The following FSTL4 variants were observed in gnomAD, a reference collection of about 807,000 sequenced individuals.
FSTL4 encodes follistatin-related protein 4.
A neutral mutation model predicts 78.2 loss-of-function variants in FSTL4; 28 were observed. The ratio of observed to expected loss-of-function variants is 0.36; its 90% CI spans 0.27 to 0.49. FSTL4 has a LOEUF of 0.49. Ranked by LOEUF, FSTL4 falls within the 20% of genes least tolerant of loss-of-function variation. The pLI, the probability that FSTL4 is intolerant of heterozygous loss-of-function variation, is 0.98. For synonymous variants in FSTL4, 422 were observed against 440.5 expected (o/e 0.96, Z 0.53); for missense variants, 922 against 1,084.9 (o/e 0.85, Z 2.11).
the FSTL4 span, among the ~76,000 whole-genome samples, chr5:133,831,459 T>G: frequency 2.6e-5 from 4 of 151,894 alleles, no homozygotes; most frequent in Non-Finnish European, 5.9e-5. Context: ...AGGCAGTGAG[T>G]GGTGGAAAAT....
chr5:133,509,993 C>T lies in FSTL4; in HGVS notation c.160+57193G>A, dbSNP rs140942799. On this transcript the variant is annotated intron_variant, in intron 3 of 15. Transcript: ENST00000265342. Reference sequence around the variant, plus strand: ...TGGAGTGTAGGCAAAAGATCTGGTCCACTCACTCATACTTCATAATCATAA... The same window carrying T: ...TGGAGTGTAGGCAAAAGATCTGGTCTACTCACTCATACTTCATAATCATAA... Among the ~76,000 whole-genome samples, 24 of 152,304 alleles carry T rather than the reference C, an allele frequency of 1.6e-4. No homozygotes were observed. In the East Asian group the frequency reaches 4.6e-3, roughly 29 times the overall value.
chr5:133,241,789 C>T (rs1751881423), intron 7 of FSTL4, among the ~76,000 whole-genome samples: 1 of 152,170 alleles, frequency 6.6e-6, no homozygotes, highest in Non-Finnish European at 1.5e-5. Context: ...CCTGGGGATC[C>T]TTGGATCCTG....
At chr5:133,818,694 C>T in the FSTL4 span, among the ~76,000 whole-genome samples, 2 of 151,318 alleles carry the variant, frequency 1.3e-5, no homozygotes, top group African/African-American at 4.9e-5. Context: ...GCACTTTCCA[C>T]CAATTTCAGG....
the FSTL4 span, among the ~76,000 whole-genome samples, chr5:133,821,462 T>C: frequency 2.0e-5 from 3 of 152,192 alleles, no homozygotes; most frequent in East Asian, 5.8e-4. Flanking sequence ...ACACCCACTG[T>C]TCCAGCATTA....
At chr5:133,416,013 G>A (rs941149050) in intron 3 of FSTL4, among the ~76,000 whole-genome samples, 2 of 152,186 alleles carry the variant, frequency 1.3e-5, no homozygotes, top group African/African-American at 2.4e-5. Flanking sequence ...CAATAGCAAG[G>A]AGCACGTTTA....
the FSTL4 span, among the ~76,000 whole-genome samples, chr5:133,820,231 G>A: frequency 6.6e-6 from 1 of 152,184 alleles, no homozygotes; most frequent in Admixed American, 6.5e-5. Flanking sequence ...GGGTCCAGCT[G>A]TCACGCTGCA....
chr5:133,232,180 G>A (rs897340875), intron 8 of FSTL4, among the ~76,000 whole-genome samples: 3 of 152,194 alleles, frequency 2.0e-5, no homozygotes, highest in Non-Finnish European at 2.9e-5. Context: ...TGCTCGGGCC[G>A]CATCTCTGGG....
At chr5:133,569,926 T>A (rs1760113089) in intron 2 of FSTL4, among the ~76,000 whole-genome samples, 1 of 152,136 alleles carries the variant, frequency 6.6e-6, no homozygotes, top group African/African-American at 2.4e-5. Flanking sequence ...GATTTAGAAA[T>A]TGCCCGGGCG....
At chr5:133,830,276 C>T in the FSTL4 span, among the ~76,000 whole-genome samples, 1 of 152,316 alleles carries the variant, frequency 6.6e-6, no homozygotes, top group South Asian at 2.1e-4. Context: ...GCTGAGCAGG[C>T]TTCTGGGCCA....
chr5:133,819,015 CGA>C, the FSTL4 span, among the ~76,000 whole-genome samples: 1 of 140,594 alleles, frequency 7.1e-6, no homozygotes, highest in South Asian at 2.4e-4. Flanking sequence ...ATTTCTAGAA[CGA>C]AGGAGATCTG....
rs757767920 is a variant in FSTL4, at chr5:133,233,496, G to A, written c.936C>T (p.Thr312=). 28 of 1,614,096 alleles carry A rather than the reference G, an allele frequency of 1.7e-5. 1 individual carries two copies. The South Asian group carries it at 3.1e-4, about 18-fold the overall frequency. Residue 312 remains threonine (T), a synonymous_variant, in exon 8 of 16, where the codon ACC becomes ACT. Transcript: ENST00000265342. ...EDDSLYITKV[T]TIHMGNYTCH... ...AGGTGTAATTGCCCATGTGGATGGT[G>A]GTCACCTTGGTGATGTACAGGGAAT...
At chr5:133,530,998 G>A (rs1322976650) in intron 3 of FSTL4, among the ~76,000 whole-genome samples, 1 of 152,172 alleles carries the variant, frequency 6.6e-6, no homozygotes, top group Non-Finnish European at 1.5e-5. Flanking sequence ...CTGGACATGG[G>A]CCAGACTCAC....
At chr5:133,347,835 T>C (rs73788064) in intron 4 of FSTL4, among the ~76,000 whole-genome samples, 18,361 of 152,272 alleles carry the variant, frequency 0.12, 1,320 homozygotes, top group African/African-American at 0.2. Context: ...TTTCTATTTA[T>C]TTAATTCCAT....
chr5:133,523,969 G>A (rs564684687), intron 3 of FSTL4, among the ~76,000 whole-genome samples: 35 of 152,354 alleles, frequency 2.3e-4, no homozygotes, highest in Admixed American at 9.1e-4. Flanking sequence ...GGTGGGCAGG[G>A]AAGACGGGTG....
the FSTL4 span, among the ~76,000 whole-genome samples, chr5:133,838,390 G>A: frequency 1.3e-5 from 2 of 152,240 alleles, no homozygotes; most frequent in African/African-American, 2.4e-5. Context: ...ACTGTAGTCA[G>A]GAATTCAGGA....
chr5:133,713,777 C>T, the FSTL4 span, among the ~76,000 whole-genome samples: 1 of 152,160 alleles, frequency 6.6e-6, no homozygotes, highest in Admixed American at 6.5e-5. Flanking sequence ...AGAGAAACAA[C>T]CAGACTAGAA....
At chr5:133,464,874 G>A (rs1757672412) in intron 3 of FSTL4, among the ~76,000 whole-genome samples, 1 of 152,116 alleles carries the variant, frequency 6.6e-6, no homozygotes, top group Non-Finnish European at 1.5e-5. Context: ...ACCTTTCTGT[G>A]ACCTTCCCTG....
chr5:133,605,429 A>G (rs1047244337), intron 1 of FSTL4, among the ~76,000 whole-genome samples: 1 of 152,208 alleles, frequency 6.6e-6, no homozygotes, highest in African/African-American at 2.4e-5. Context: ...ATCCCTGCTC[A>G]CTGCCATAGG....
chr5:133,544,500 T>G (rs1466371365), intron 3 of FSTL4, among the ~76,000 whole-genome samples: 1 of 152,196 alleles, frequency 6.6e-6, no homozygotes, highest in Non-Finnish European at 1.5e-5. Context: ...TTCTAGGCCC[T>G]GGAGGCAGGC....
Sources: allele counts gnomAD v4.1 joint callset (sites outside exome capture counted in the v4.1 genomes callset), GRCh38; gene constraint gnomAD v4.1.1; transcripts MANE v1.5; gene names NCBI Gene and HGNC (gene_info 2026-07-23, HGNC 2026-07-21).